Variants in PTPRD observed in about 807,000 individuals in gnomAD.
PTPRD encodes the protein protein tyrosine phosphatase receptor type D, also known as receptor-type tyrosine-protein phosphatase delta.
Under a neutral mutation model 214.5 loss-of-function variants are expected in PTPRD, and 34 were observed. The observed-to-expected ratio is 0.16, with a 90% CI of 0.12 to 0.21. The LOEUF is 0.21. Ranked by LOEUF, PTPRD falls within the 10% of genes least tolerant of loss-of-function variation. The pLI is 1.00. For synonymous variants in PTPRD, 1,128 were observed against 845.7 expected (o/e 1.33, Z -5.79); for missense variants, 2,545 against 2,398.7 (o/e 1.06, Z -1.27).
At chr9:9,284,388 T>G (rs1948717860) in intron 9 of PTPRD, among the ~76,000 whole-genome samples, 1 of 151,710 alleles carries the variant, frequency 6.6e-6, no homozygotes, top group African/African-American at 2.4e-5. Flanking sequence ...GGTTGTAAGT[T>G]TTATTCTTCC....
chr9:9,422,485 G>C (rs778284390), intron 8 of PTPRD, among the ~76,000 whole-genome samples: 16 of 152,114 alleles, frequency 1.1e-4, no homozygotes, highest in Non-Finnish European at 1.9e-4. Context: ...GCACTGGAGA[G>C]CTTTGAGCTT....
chr9:10,287,890 G>A (rs1243999178), intron 3 of PTPRD, among the ~76,000 whole-genome samples: 3 of 151,622 alleles, frequency 2.0e-5, no homozygotes, highest in Non-Finnish European at 4.4e-5. Context: ...AGACAGAGGG[G>A]GTTTTCTCTC....
chr9:9,403,399 T>C (rs932527375), intron 8 of PTPRD, among the ~76,000 whole-genome samples: 8 of 106,230 alleles, frequency 7.5e-5, no homozygotes, highest in Non-Finnish European at 1.3e-4. Flanking sequence ...TTTCTAAATA[T>C]TGTTATATTT....
At chr9:8,476,603 C>T (rs946312980) in intron 30 of PTPRD, among the ~76,000 whole-genome samples, 7 of 151,934 alleles carry the variant, frequency 4.6e-5, no homozygotes, top group Non-Finnish European at 8.8e-5. Flanking sequence ...TTTTTTAAAC[C>T]TATTACCCCC....
At chr9:9,820,245 G>A (rs1401154047) in intron 5 of PTPRD, among the ~76,000 whole-genome samples, 2 of 152,056 alleles carry the variant, frequency 1.3e-5, no homozygotes, top group African/African-American at 2.4e-5. Context: ...CAGTAAGGTT[G>A]AGCATTTTTT....
At chr9:9,631,840 C>CG (rs2095604715) in intron 7 of PTPRD, among the ~76,000 whole-genome samples, 1 of 151,898 alleles carries the variant, frequency 6.6e-6, no homozygotes, top group Non-Finnish European at 1.5e-5. Context: ...AGCCACTTGC[C>CG]GGGCAGTTAT....
intron 2 of PTPRD, among the ~76,000 whole-genome samples, chr9:10,524,141 T>C (rs2053492855): frequency 6.6e-6 from 1 of 151,990 alleles, no homozygotes; most frequent in Non-Finnish European, 1.5e-5. Flanking sequence ...ACCGATCCTA[T>C]AGAAAGGCCT....
chr9:10,610,697 A>G (rs2080760607), intron 2 of PTPRD, among the ~76,000 whole-genome samples: 1 of 152,156 alleles, frequency 6.6e-6, no homozygotes, highest in African/African-American at 2.4e-5. Flanking sequence ...CATTTGGATA[A>G]GAAATTAAAT....
chr9:9,308,475 T>C (rs958342118), intron 9 of PTPRD, among the ~76,000 whole-genome samples: 2 of 152,192 alleles, frequency 1.3e-5, no homozygotes, highest in African/African-American at 4.8e-5. Flanking sequence ...CATCATTTCT[T>C]GAGAATAAAT....
chr9:8,401,168 C>CTT (rs35280480), intron 36 of PTPRD, among the ~76,000 whole-genome samples: 1 of 144,518 alleles, frequency 6.9e-6, no homozygotes, highest in South Asian at 2.2e-4. Context: ...TTTACCTTTT[C>CTT]TTTTTTTTTT....
chr9:9,603,937 C>A (rs1220208111), intron 7 of PTPRD, among the ~76,000 whole-genome samples: 1 of 151,808 alleles, frequency 6.6e-6, no homozygotes, highest in South Asian at 2.1e-4. Context: ...CAGATAATTT[C>A]TTTAACATAA....
At chr9:9,589,387 G>A (rs595955) in intron 7 of PTPRD, among the ~76,000 whole-genome samples, 47,223 of 151,310 alleles carry the variant, frequency 0.31, 7,768 homozygotes, top group Non-Finnish European at 0.36. Flanking sequence ...AACTCTTGTG[G>A]CATGTTCTCT....
chr9:8,470,177 G>A (rs757639790), intron 31 of PTPRD, among the ~76,000 whole-genome samples: 3 of 152,048 alleles, frequency 2.0e-5, no homozygotes, highest in Admixed American at 6.6e-5. Flanking sequence ...AATAACAAAG[G>A]CTCTTCTGTA....
chr9:9,527,046 T>C (rs1250438655), intron 8 of PTPRD, among the ~76,000 whole-genome samples: 2 of 152,240 alleles, frequency 1.3e-5, no homozygotes, highest in East Asian at 1.9e-4. Context: ...TTAATGAGTC[T>C]GTTAAAACTC....
At chr9:9,839,364 C>G (rs1348806393) in intron 5 of PTPRD, among the ~76,000 whole-genome samples, 1 of 152,070 alleles carries the variant, frequency 6.6e-6, no homozygotes, top group Admixed American at 6.6e-5. Context: ...TCTCAGGATA[C>G]AAAATCAATG....
chr9:9,607,524 C>T (rs2094241493), intron 7 of PTPRD, among the ~76,000 whole-genome samples: 1 of 152,096 alleles, frequency 6.6e-6, no homozygotes, highest in African/African-American at 2.4e-5. Flanking sequence ...TAACCACTTT[C>T]TTTAAGAAAC....
chr9:9,007,362 G>A (rs1312014434), intron 11 of PTPRD, among the ~76,000 whole-genome samples: 2 of 150,948 alleles, frequency 1.3e-5, no homozygotes, highest in Admixed American at 6.7e-5. Flanking sequence ...CAAGGAGGGT[G>A]TAGTCTCCAT....
At chr9:10,355,189 ATT>A (rs2097254381) in intron 2 of PTPRD, among the ~76,000 whole-genome samples, 1 of 152,170 alleles carries the variant, frequency 6.6e-6, no homozygotes, top group Admixed American at 6.5e-5. Flanking sequence ...AATTTAAGTT[ATT>A]AAGAAACGTA....
intron 14 of PTPRD, among the ~76,000 whole-genome samples, chr9:8,549,290 C>G (rs1314542323): frequency 6.6e-6 from 1 of 152,118 alleles, no homozygotes; most frequent in Non-Finnish European, 1.5e-5. Flanking sequence ...TGTCAAGTTT[C>G]TAGCCTCTTA....
Sources: gnomAD v4.1 joint callset for allele counts (sites outside exome capture counted in the v4.1 genomes callset) on GRCh38, gnomAD v4.1.1 for gene constraint, MANE v1.5 for transcripts, NCBI Gene and HGNC (gene_info 2026-07-23, HGNC 2026-07-21) for gene names.